The following LRMDA variants were observed in gnomAD, a reference collection of about 807,000 sequenced individuals.
LRMDA encodes leucine rich melanocyte differentiation associated, also known as leucine-rich melanocyte differentiation-associated protein.
Under a neutral mutation model 29.8 loss-of-function variants are expected in LRMDA, and 18 were observed. That is an observed-to-expected ratio of 0.60 (90% CI 0.42 to 0.90). The LOEUF is 0.90. LRMDA is among the 40% of genes least tolerant of loss of function. The pLI is 0.00. For synonymous variants in LRMDA, 125 were observed against 109.4 expected, an observed-to-expected ratio of 1.14 and a Z score of -0.89; for missense variants, 273 against 273.9, an observed-to-expected ratio of 1.00 and a Z score of 0.02.
At chr10:76,267,345 C>G (rs1840019306) in intron 5 of LRMDA, among the ~76,000 whole-genome samples, 1 of 151,852 alleles carries the variant, frequency 6.6e-6, no homozygotes, top group African/African-American at 2.4e-5. Flanking sequence ...AAAAATTTAC[C>G]ATTTAAACTT....
Position 76,370,995 on chromosome 10 carries a change from A to G in LRMDA, c.601+46510A>G, listed in dbSNP as rs554152573. Reference sequence around the variant, plus strand: ...CAAGGAGTTTCAAATGTGATAAAATATTAAAATGGGACTCTTCAAGTTCAG... The same window carrying G: ...CAAGGAGTTTCAAATGTGATAAAATGTTAAAATGGGACTCTTCAAGTTCAG... On this transcript the variant is annotated intron_variant, in intron 6 of 6. Transcript: ENST00000611255. Among the ~76,000 whole-genome samples, 472 of 152,330 alleles carry G rather than the reference A, an allele frequency of 3.1e-3. 4 individuals carry two copies. The highest frequency in any genetic ancestry group is 0.011 in the African/African-American group (442 of 41,570).
chr10:76,294,372 A>C (rs1840387266), intron 5 of LRMDA, among the ~76,000 whole-genome samples: 2 of 152,122 alleles, frequency 1.3e-5, no homozygotes, highest in Admixed American at 6.5e-5. Context: ...TGGCTCATCT[A>C]AGTATTTACC....
intron 5 of LRMDA, among the ~76,000 whole-genome samples, chr10:76,175,976 T>C (rs148642646): frequency 6.6e-6 from 1 of 152,232 alleles, no homozygotes; most frequent in Non-Finnish European, 1.5e-5. Context: ...CGATGTACAC[T>C]GTGCAGATTT....
chr10:76,048,785 C>G (rs965440916), intron 4 of LRMDA, among the ~76,000 whole-genome samples: 3 of 152,186 alleles, frequency 2.0e-5, no homozygotes, highest in Non-Finnish European at 4.4e-5. Context: ...TAGATCCTAT[C>G]TTGTGTATTT....
At chr10:76,106,514 G>C (rs1849487566) in intron 5 of LRMDA, among the ~76,000 whole-genome samples, 1 of 152,126 alleles carries the variant, frequency 6.6e-6, no homozygotes, top group Non-Finnish European at 1.5e-5. Context: ...AGTCCCTCCT[G>C]CTGTATTTAA....
intron 6 of LRMDA, among the ~76,000 whole-genome samples, chr10:76,520,557 A>G (rs115773918): frequency 0.012 from 1,791 of 152,302 alleles, 24 homozygotes; most frequent in African/African-American, 0.04. Context: ...AAAATTAGGG[A>G]CATCTGAAGT....
chr10:76,128,202 C>T (rs1239303040), intron 5 of LRMDA, among the ~76,000 whole-genome samples: 1 of 152,092 alleles, frequency 6.6e-6, no homozygotes, highest in Non-Finnish European at 1.5e-5. Flanking sequence ...TCGGGAAAAG[C>T]GGGTTCTAGA....
chr10:76,368,157 T>C (rs1841413661), intron 6 of LRMDA, among the ~76,000 whole-genome samples: 1 of 152,198 alleles, frequency 6.6e-6, no homozygotes, highest in Non-Finnish European at 1.5e-5. Flanking sequence ...TTTGGTTTGT[T>C]CTTGTTTCTC....
chr10:75,628,515 G>A (rs936197055), intron 2 of LRMDA, among the ~76,000 whole-genome samples: 2 of 152,232 alleles, frequency 1.3e-5, no homozygotes, highest in Admixed American at 6.5e-5. Context: ...AGGATCAAAT[G>A]TACTTCACAG....
intron 2 of LRMDA, among the ~76,000 whole-genome samples, chr10:75,612,918 A>C (rs1307443321): frequency 1.3e-5 from 2 of 151,898 alleles, no homozygotes; most frequent in East Asian, 1.9e-4. Flanking sequence ...TGCTCATGTC[A>C]AAAGACTTGG....
intron 2 of LRMDA, among the ~76,000 whole-genome samples, chr10:76,023,111 C>G (rs2132493355): frequency 6.6e-6 from 1 of 151,222 alleles, no homozygotes; most frequent in South Asian, 2.1e-4. Flanking sequence ...TAAAACCAGT[C>G]AAATTAAAGC....
intron 5 of LRMDA, among the ~76,000 whole-genome samples, chr10:76,166,263 AAC>A (rs1850738414): frequency 6.6e-6 from 1 of 152,176 alleles, no homozygotes; most frequent in Admixed American, 6.5e-5. Context: ...CATTTTCCCA[AAC>A]CTGCTTGGTT....
At chr10:75,786,826 T>C (rs1410600711) in intron 2 of LRMDA, among the ~76,000 whole-genome samples, 1 of 152,236 alleles carries the variant, frequency 6.6e-6, no homozygotes, top group Non-Finnish European at 1.5e-5. Flanking sequence ...GCTTAATATC[T>C]CTTCCATAGC....
intron 2 of LRMDA, among the ~76,000 whole-genome samples, chr10:76,033,034 C>T (rs980145187): frequency 6.6e-6 from 1 of 152,076 alleles, no homozygotes; most frequent in Admixed American, 6.5e-5. Context: ...TCTCCTATTC[C>T]TCCCTAGAAA....
chr10:75,818,864 A>G (rs1324462067), intron 2 of LRMDA, among the ~76,000 whole-genome samples: 1 of 152,206 alleles, frequency 6.6e-6, no homozygotes, highest in Non-Finnish European at 1.5e-5. Context: ...CAGGCATTCA[A>G]GGCTCCTCAT....
At chr10:75,932,073 CATTT>C (rs1347886444) in intron 2 of LRMDA, among the ~76,000 whole-genome samples, 1 of 152,166 alleles carries the variant, frequency 6.6e-6, no homozygotes, top group Non-Finnish European at 1.5e-5. Context: ...AAGCTGTTAT[CATTT>C]ATATCAATAA....
At chr10:76,503,325 C>T (rs560491408) in intron 6 of LRMDA, among the ~76,000 whole-genome samples, 48 of 151,664 alleles carry the variant, frequency 3.2e-4, no homozygotes, top group Admixed American at 2.4e-3. Flanking sequence ...TACGGACTGG[C>T]GCTGACATTG....
In LRMDA at chr10:75,694,635, C is replaced by T. The variant is rs138882082; in HGVS notation, c.131+256141C>T. ...GGGAATCTCTCAGGTAGATTTTGCA[C>T]ACAGGGACATTTTATTCACTTATCT... On this transcript the variant is annotated intron_variant, in intron 2 of 6. Coordinates refer to ENST00000611255, the MANE Select transcript of LRMDA (RefSeq NM_001305581.2). Among the ~76,000 whole-genome samples the T allele has an allele frequency of 4.5e-4, 68 of 152,226 alleles. 1 individual carries two copies. The highest frequency in any genetic ancestry group is 1.4e-3 in the African/African-American group (58 of 41,528).
intron 6 of LRMDA, among the ~76,000 whole-genome samples, chr10:76,511,885 T>C (rs527469113): frequency 6.6e-6 from 1 of 151,658 alleles, no homozygotes; most frequent in South Asian, 2.1e-4. Flanking sequence ...TTAAAATTCA[T>C]ATTGAAAAGC....
Sources: allele counts gnomAD v4.1 joint callset (sites outside exome capture counted in the v4.1 genomes callset), GRCh38; gene constraint gnomAD v4.1.1; transcripts MANE v1.5; gene names NCBI Gene and HGNC (gene_info 2026-07-23, HGNC 2026-07-21).